The following TOGARAM1 variants were observed in gnomAD, a reference collection of about 807,000 sequenced individuals.
TOGARAM1 encodes the protein TOG array regulator of axonemal microtubules 1, also known as TOG array regulator of axonemal microtubules protein 1.
In TOGARAM1, 100 loss-of-function variants were observed where a neutral mutation model predicts 166.6. The observed-to-expected ratio is 0.60, with a 90% CI of 0.51 to 0.71. TOGARAM1 has a LOEUF of 0.71. TOGARAM1 is among the 30% of genes least tolerant of loss of function. The pLI is 0.00. For synonymous variants in TOGARAM1, 758 were observed against 763.8 expected, an observed-to-expected ratio of 0.99 and a Z score of 0.13; for missense variants, 2,029 against 2,102.7, an observed-to-expected ratio of 0.96 and a Z score of 0.69.
In TOGARAM1 at chr14:45,044,710, A is replaced by T; in HGVS notation, c.3994A>T (p.Ser1332Cys). Reference sequence around the variant, plus strand: ...TGATCTTTTCACTTATTTGAAAAAGAGCATGGATCAAGAGCTAGATACCAC... The same window carrying T: ...TGATCTTTTCACTTATTTGAAAAAGTGCATGGATCAAGAGCTAGATACCAC... ...LSDLFTYLKK[S>C]MDQELDTTVK... Residue 1332 changes from serine (S) to cysteine (C), a missense_variant, in exon 13 of 20, where the codon AGC becomes TGC. By Grantham distance (112) the Ser-to-Cys change is moderately radical. This residue lies in a region of TOGARAM1 where 576 missense variants were observed against 670.5 expected (regional missense o/e 0.86). Transcript: ENST00000361462. The T allele has an allele frequency of 1.2e-6, 2 of 1,614,082 alleles. No individual in the cohort carries two copies. The highest frequency in any genetic ancestry group is 1.7e-6 in the Non-Finnish European group (2 of 1,180,006).
chr14:45,039,555 G>T (rs1225417849), intron 11 of TOGARAM1, among the ~76,000 whole-genome samples: 4 of 152,160 alleles, frequency 2.6e-5, no homozygotes, highest in Non-Finnish European at 5.9e-5. Flanking sequence ...TCCCATGCTT[G>T]TTGGTGCCCA....
Position 45,006,126 on chromosome 14 carries a change from C to T in TOGARAM1, c.2763C>T (p.Ser921=), listed in dbSNP as rs73352236. Residue 921 remains serine, a synonymous_variant, in exon 5 of 20, where the codon AGC becomes AGT. Transcript: ENST00000361462. ...TTCCTCCCATACCAAGGGGAATAAG[C>T]CTTTTGCCTGATAAAGCTGATTTAA... ...KPVPPIPRGI[S]LLPDKADLST... 6.2e-7 allele frequency: 1 copy of T among 1,613,938 alleles called. No individual in the cohort carries two copies. Among genetic ancestry groups the T allele is most frequent in the African/African-American group, 1.3e-5 (1 of 74,882 alleles).
chr14:44,964,521 A>G (rs1282239523), intron 1 of TOGARAM1, 54 bp downstream of exon 1: 2 of 1,501,958 alleles, frequency 1.3e-6, no homozygotes, highest in East Asian at 4.5e-5. Flanking sequence ...AAATGAAAAT[A>G]TGCCCGTGAT....
rs763405402 is a variant in TOGARAM1, at chr14:44,963,116, C to G, written c.695C>G (p.Ala232Gly). The G allele has an allele frequency of 2.7e-5, 43 of 1,614,050 alleles. No homozygotes were observed. The highest frequency in any genetic ancestry group is 3.4e-5 in the Non-Finnish European group (40 of 1,180,044). ...GAAAGTACCGATGCCCGACTTAGAG[C>G]TTCCACAGCACTACTGCTTCCCATC... ...GLESTDARLR[A>G]STALLLPILL... Residue 232 changes from alanine (A) to glycine (G), a missense_variant, in exon 1 of 20, where the codon GCT becomes GGT. Ala to Gly is a moderately conservative substitution (Grantham distance 60). This residue lies in a region of TOGARAM1 where 1,453 missense variants were observed against 1,432.2 expected (regional missense o/e 1.01). Transcript: ENST00000361462.
intron 15 of TOGARAM1, among the ~76,000 whole-genome samples, chr14:45,053,713 T>C (rs1882493542): frequency 6.6e-6 from 1 of 152,154 alleles, no homozygotes; most frequent in Non-Finnish European, 1.5e-5. Context: ...TCTGTGAGTC[T>C]TTCCAGTACA....
intron 11 of TOGARAM1, among the ~76,000 whole-genome samples, chr14:45,033,207 T>G (rs1387221105): frequency 6.8e-6 from 1 of 147,714 alleles, no homozygotes; most frequent in East Asian, 2.0e-4. Context: ...GAGCTGAGAT[T>G]GGGCAACTGC....
At position 45,006,225 on chromosome 14, in the gene TOGARAM1, T is replaced by C. The variant is rs750127956; in HGVS notation, c.2862T>C (p.Leu954=). Residue 954 remains leucine, a synonymous_variant, in exon 5 of 20, where the codon CTT becomes CTC. Transcript: ENST00000361462. The part of the protein sequence containing the change: ...KCEKDSLPID[L]SELNFKDKDL... ...AAAAAGATAGTCTTCCAATTGATCT[T>C]TCAGAATTAAATTTCAAGGATAAAG... 1 of 1,612,948 alleles carries C rather than the reference T, an allele frequency of 6.2e-7. No individual in the cohort carries two copies. Among genetic ancestry groups the C allele is most frequent in the Non-Finnish European group, 8.5e-7 (1 of 1,179,154 alleles).
Position 44,963,249 on chromosome 14 carries a change from T to G in TOGARAM1, c.828T>G (p.Ala276=). 6.2e-7 allele frequency: 1 copy of G among 1,614,162 alleles called. No individual in the cohort carries two copies. ...AGACAGAAGAAGAATCTGAGACAGC[T>G]TTCTCCGCACTTCAACAAATTGGGG... ...DQETEEESET[A]FSALQQIGER... is the part of the protein sequence containing the mutation. The change falls in exon 1 of 20, where the codon GCT becomes GCG. Residue 276 remains alanine (A), a synonymous_variant. Coordinates refer to ENST00000361462, the MANE Select transcript of TOGARAM1 (RefSeq NM_001308120.2).
In TOGARAM1 at chr14:45,053,624, T is replaced by C. The variant is rs139032345; in HGVS notation, c.4441-807T>C. Among the ~76,000 whole-genome samples, 376 of 152,130 alleles carry C rather than the reference T, an allele frequency of 2.5e-3. 4 individuals are homozygous for C. The highest frequency in any genetic ancestry group is 8.6e-3 in the African/African-American group (356 of 41,490). The stretch of plus-strand genomic sequence containing the variant: ...TTTTTCTGCCCGTTGAGCCTGAAGG[T>C]TTCAGCTTAGTTCATATTAGAACTT... On this transcript the variant is annotated intron_variant, in intron 15 of 19. Transcript: ENST00000361462.
chr14:44,966,143 G>C (rs1272537404), intron 1 of TOGARAM1, among the ~76,000 whole-genome samples: 1 of 151,516 alleles, frequency 6.6e-6, no homozygotes, highest in South Asian at 2.1e-4. Flanking sequence ...GGGATTACAG[G>C]CGTGAGCCAC....
In TOGARAM1 at chr14:45,044,736, A is replaced by G; in HGVS notation, c.4020A>G (p.Thr1340=). 6.2e-7 allele frequency: 1 copy of G among 1,614,102 alleles called. No homozygotes were observed. The highest frequency in any genetic ancestry group is 1.1e-5 in the South Asian group (1 of 91,086). ...GCATGGATCAAGAGCTAGATACCACAGTAAAAGTTTTGTTGCACAAGGCTG... is the reference window on the plus strand; with the variant it reads ...GCATGGATCAAGAGCTAGATACCACGGTAAAAGTTTTGTTGCACAAGGCTG... The part of the protein sequence containing the change: ...KKSMDQELDT[T]VKVLLHKAGE... Residue 1340 remains threonine, a synonymous_variant, in exon 13 of 20, where the codon ACA becomes ACG. Coordinates refer to ENST00000361462, the MANE Select transcript of TOGARAM1 (RefSeq NM_001308120.2).
chr14:44,980,738 T>C (rs1437281019), intron 1 of TOGARAM1, among the ~76,000 whole-genome samples: 1 of 152,128 alleles, frequency 6.6e-6, no homozygotes, highest in Non-Finnish European at 1.5e-5. Flanking sequence ...AGGGGCTAGA[T>C]TGGAGACTCT....
Position 44,964,091 on chromosome 14 carries a change from A to T in TOGARAM1, c.1670A>T (p.Glu557Val). 6.2e-7 allele frequency: 1 copy of T among 1,614,186 alleles called. No individual in the cohort carries two copies. The highest frequency in any genetic ancestry group is 8.5e-7 in the Non-Finnish European group (1 of 1,180,020). The change falls in exon 1 of 20, where the codon GAA (glutamate) becomes GTA (valine). Residue 557 changes from glutamate to valine, a missense_variant. Glu to Val is a moderately radical substitution (Grantham distance 121). This residue lies in a region of TOGARAM1 where 1,453 missense variants were observed against 1,432.2 expected (regional missense o/e 1.01). Coordinates refer to ENST00000361462, the MANE Select transcript of TOGARAM1 (RefSeq NM_001308120.2). The part of the protein sequence containing the change: ...SILFKAVDTV[E>V]LQDNGDGVMN... ...CTTTTTAAAGCTGTGGATACAGTTG[A>T]ACTGCAAGATAATGGAGATGGAGTG...
In TOGARAM1 at chr14:44,997,404, CAAAAAAAAAAAAAAAAA is replaced by C. The variant is rs1167788236; in HGVS notation, c.2203+1514_2203+1530del. 4.3e-4 allele frequency: 9 copies of C among 20,846 alleles called. No individual in the cohort carries two copies. The Admixed American group carries it at 4.7e-3, about 11-fold the overall frequency. The allele number at this position is 20,846 out of a possible 1,614,324, so 1.3% of individuals were successfully genotyped here. On this transcript the variant is annotated intron_variant, in intron 2 of 19. Transcript: ENST00000361462. ...CTGGCAACAAAGCAAGACTCCATCT[CAAAAAAAAAAAAAAAAA>C]AAAAAAAAAAAGGTGATTGGATTCT...
intron 9 of TOGARAM1, among the ~76,000 whole-genome samples, chr14:45,027,908 A>G (rs1348409520): frequency 6.6e-6 from 1 of 152,042 alleles, no homozygotes; most frequent in African/African-American, 2.4e-5. Context: ...ATTCTTAATC[A>G]TTTAAATATA....
At chr14:45,049,238 C>T (rs949038607) in intron 14 of TOGARAM1, among the ~76,000 whole-genome samples, 4 of 151,778 alleles carry the variant, frequency 2.6e-5, no homozygotes, top group African/African-American at 7.3e-5. Context: ...CAGACTTCCT[C>T]TTTTTGTACC....
Position 44,985,811 on chromosome 14 carries a change from CAA to C in TOGARAM1, c.2047-9934_2047-9933del, listed in dbSNP as rs138068645. 4.0e-3 allele frequency among the ~76,000 whole-genome samples: 603 copies of C among 152,246 alleles called. 4 individuals carry two copies. The highest frequency in any genetic ancestry group is 0.014 in the African/African-American group (586 of 41,552). On this transcript the variant is annotated intron_variant, in intron 1 of 19. Transcript: ENST00000361462. ...TTCTATGATGTATAAATATAAGACA[CAA>C]GAGTAAATTATAAAAACAAGTTTGA...
chr14:44,963,125 C>A lies in TOGARAM1; in HGVS notation c.704C>A (p.Ala235Glu), dbSNP rs1885286428. Residue 235 changes from alanine (A) to glutamate (E), a missense_variant, in exon 1 of 20, where the codon GCA becomes GAA. Coordinates refer to ENST00000361462, the MANE Select transcript of TOGARAM1 (RefSeq NM_001308120.2). ...STDARLRASTALLLPILLTTE... is the reference protein window; with the variant it reads ...STDARLRASTELLLPILLTTE... The stretch of plus-strand genomic sequence containing the variant: ...GATGCCCGACTTAGAGCTTCCACAG[C>A]ACTACTGCTTCCCATCTTGCTTACT... The A allele has an allele frequency of 9.3e-6, 15 of 1,614,198 alleles. No homozygotes were observed. Among genetic ancestry groups the A allele is most frequent in the Non-Finnish European group, 1.3e-5 (15 of 1,180,038 alleles).
intron 14 of TOGARAM1, among the ~76,000 whole-genome samples, chr14:45,047,565 T>A (rs1882135841): frequency 1.3e-5 from 2 of 152,112 alleles, no homozygotes; most frequent in South Asian, 4.1e-4. Context: ...AATTAAGATG[T>A]GGATGATATA....
Sources: allele counts gnomAD v4.1 joint callset (sites outside exome capture counted in the v4.1 genomes callset), GRCh38; gene constraint gnomAD v4.1.1; regional missense constraint gnomAD v4.1.1; transcripts MANE v1.5; gene names NCBI Gene and HGNC (gene_info 2026-07-23, HGNC 2026-07-21).